DNER: variants seen among roughly 807,000 people sequenced by gnomAD.
The protein encoded by DNER is delta/notch like EGF repeat containing.
Under a neutral mutation model 78.2 loss-of-function variants are expected in DNER, and 33 were observed. The observed-to-expected ratio is 0.42, with a 90% CI of 0.32 to 0.56. The LOEUF (loss-of-function observed/expected upper bound fraction) is 0.56, where lower values mean the gene tolerates loss of function less well. DNER is among the 20% of genes least tolerant of loss of function. The probability of loss-of-function intolerance (pLI) is 0.11; values close to 1 mark genes in which losing one functional copy is unlikely to be tolerated. For synonymous variants in DNER, 417 were observed against 384.8 expected (o/e 1.08, Z -0.98); for missense variants, 918 against 975.3 (o/e 0.94, Z 0.78).
Position 229,481,807 on chromosome 2 carries a change from A to G in DNER, c.1148-4554T>C, listed in dbSNP as rs76392463. 4.6e-5 allele frequency among the ~76,000 whole-genome samples: 7 copies of G among 152,348 alleles called. No individual in the cohort carries two copies. In the East Asian group the frequency reaches 1.4e-3, roughly 29 times the overall value. Reference sequence around the variant, plus strand: ...CAGAGGACCTCGTAGAAGATATACAAGCAAGACTGATGGTATCGATGCCAC... The same window carrying G: ...CAGAGGACCTCGTAGAAGATATACAGGCAAGACTGATGGTATCGATGCCAC... On this transcript the variant is annotated intron_variant, in intron 6 of 12. Coordinates refer to ENST00000341772, the MANE Select transcript of DNER (RefSeq NM_139072.4).
At chr2:229,407,765 G>A (rs1236649337) in intron 9 of DNER, among the ~76,000 whole-genome samples, 1 of 152,178 alleles carries the variant, frequency 6.6e-6, no homozygotes, top group Non-Finnish European at 1.5e-5. Flanking sequence ...ATTTAAGTGA[G>A]TCCCAGTTCT....
At chr2:229,535,648 AT>A (rs879292749) in intron 5 of DNER, among the ~76,000 whole-genome samples, 26 of 148,038 alleles carry the variant, frequency 1.8e-4, no homozygotes, top group East Asian at 7.9e-4. Flanking sequence ...AGCCAGACTG[AT>A]TTTTTTTTTT....
intron 9 of DNER, among the ~76,000 whole-genome samples, chr2:229,410,584 A>G (rs1693489027): frequency 6.6e-6 from 1 of 152,258 alleles, no homozygotes; most frequent in South Asian, 2.1e-4. Context: ...AGCACGTACT[A>G]TTACAAAGCT....
intron 10 of DNER, among the ~76,000 whole-genome samples, chr2:229,397,331 G>A (rs565551078): frequency 3.8e-4 from 57 of 151,928 alleles, no homozygotes; most frequent in African/African-American, 9.4e-4. Context: ...GCAGCAACCC[G>A]GAAATGTCAA....
At position 229,591,559 on chromosome 2, in the gene DNER, C is replaced by T. The variant is rs780730797; in HGVS notation, c.585+21G>A. 6.3e-7 allele frequency: 1 copy of T among 1,589,686 alleles called. No homozygotes were observed. The highest frequency in any genetic ancestry group is 1.7e-4 in the Middle Eastern group (1 of 5,922). On this transcript the variant is annotated intron_variant, in intron 2 of 12. Coordinates refer to ENST00000341772, the MANE Select transcript of DNER (RefSeq NM_139072.4). The surrounding 1 kb of genome is among the most constrained non-coding windows in gnomAD (Gnocchi z 4.6). ...ATTTCTGGTTTCTAATGTAAAAATG[C>T]ACATGATATAACGTTCTCACCTCCA...
At chr2:229,680,432 G>A (rs1307375311) in intron 1 of DNER, among the ~76,000 whole-genome samples, 1 of 152,216 alleles carries the variant, frequency 6.6e-6, no homozygotes, top group Non-Finnish European at 1.5e-5. Flanking sequence ...TAGACTGGAA[G>A]TACCTGGTAA....
At chr2:229,642,483 AG>A (rs1293053945) in intron 1 of DNER, among the ~76,000 whole-genome samples, 2 of 152,250 alleles carry the variant, frequency 1.3e-5, no homozygotes, top group African/African-American at 4.8e-5. Flanking sequence ...ATAAACATCA[AG>A]GTCTGACAAG....
chr2:229,397,937 A>G (rs578137632), intron 10 of DNER, among the ~76,000 whole-genome samples: 2 of 152,294 alleles, frequency 1.3e-5, no homozygotes, highest in East Asian at 3.9e-4. Flanking sequence ...GCCTATATCA[A>G]TACTCTAAGA....
At chr2:229,432,815 A>T (rs1193761565) in intron 8 of DNER, among the ~76,000 whole-genome samples, 2 of 152,200 alleles carry the variant, frequency 1.3e-5, no homozygotes. Context: ...TAAGCTATAG[A>T]ATAGAAAAGT....
chr2:229,587,347 C>T (rs936655560), intron 3 of DNER, among the ~76,000 whole-genome samples: 1 of 152,142 alleles, frequency 6.6e-6, no homozygotes, highest in Non-Finnish European at 1.5e-5. Flanking sequence ...CGGATGGGAG[C>T]GTTCCTCCTG....
intron 5 of DNER, 131 bp downstream of exon 5, chr2:229,546,813 ACAG>A: frequency 7.8e-7 from 1 of 1,282,368 alleles, no homozygotes; most frequent in Non-Finnish European, 1.1e-6. Flanking sequence ...AGACAGACAG[ACAG>A]ACAGACAGAC....
chr2:229,379,506 T>C (rs529224594), intron 11 of DNER, among the ~76,000 whole-genome samples: 1 of 152,318 alleles, frequency 6.6e-6, no homozygotes, highest in Admixed American at 6.5e-5. Context: ...AAGTAAACTT[T>C]AGATTTTTTA....
In DNER at chr2:229,600,607, G is replaced by A. The variant is rs541367175; in HGVS notation, c.277-8719C>T. On this transcript the variant is annotated intron_variant, in intron 1 of 12. Coordinates refer to ENST00000341772, the MANE Select transcript of DNER (RefSeq NM_139072.4). ...GATATTCTTTTAGTCATAATTATGT[G>A]CAGGAAGGTTGCAGAATAAATCTTG... 3.3e-5 allele frequency among the ~76,000 whole-genome samples: 5 copies of A among 152,320 alleles called. No individual in the cohort carries two copies. In the East Asian group the frequency reaches 9.6e-4, roughly 29 times the overall value.
intron 5 of DNER, among the ~76,000 whole-genome samples, chr2:229,529,126 G>A (rs16826107): frequency 1.3e-5 from 2 of 152,030 alleles, no homozygotes; most frequent in African/African-American, 2.4e-5. Context: ...TTTTAGCAAC[G>A]TGAGAAAGCC....
chr2:229,695,750 C>T (rs966608308), intron 1 of DNER, among the ~76,000 whole-genome samples: 2 of 152,104 alleles, frequency 1.3e-5, no homozygotes, highest in Non-Finnish European at 2.9e-5. Flanking sequence ...AAGCCGAACT[C>T]GTTAGTGTCA....
intron 6 of DNER, among the ~76,000 whole-genome samples, chr2:229,489,721 G>A (rs1184227189): frequency 6.6e-6 from 1 of 151,274 alleles, no homozygotes; most frequent in Non-Finnish European, 1.5e-5. Flanking sequence ...AGGGAGGGGA[G>A]GAAGAAGAGG....
chr2:229,569,150 T>C (rs1200143714), intron 4 of DNER, among the ~76,000 whole-genome samples: 1 of 152,202 alleles, frequency 6.6e-6, no homozygotes, highest in Non-Finnish European at 1.5e-5. Flanking sequence ...TCTGTGGTTG[T>C]GTATACAGTC....
At chr2:229,470,711 G>GT (rs1318952588) in intron 7 of DNER, among the ~76,000 whole-genome samples, 1 of 152,084 alleles carries the variant, frequency 6.6e-6, no homozygotes, top group African/African-American at 2.4e-5. Flanking sequence ...TTAGCCGGGT[G>GT]TGGTGATGGT....
chr2:229,453,936 A>C (rs549160092), intron 7 of DNER, among the ~76,000 whole-genome samples: 10,138 of 150,230 alleles, frequency 0.067, 1,083 homozygotes, highest in African/African-American at 0.22. Context: ...AAAAAAAAAA[A>C]AAAAAAGAAA....
Sources: allele counts gnomAD v4.1 joint callset (sites outside exome capture counted in the v4.1 genomes callset), GRCh38; gene constraint gnomAD v4.1.1; non-coding constraint Gnocchi (gnomAD v3.1); transcripts MANE v1.5; gene names NCBI Gene and HGNC (gene_info 2026-07-23, HGNC 2026-07-21).